Variants in DICER1 observed in about 807,000 individuals in gnomAD.
DICER1 encodes endoribonuclease Dicer.
In DICER1, 43 loss-of-function variants were observed where a neutral mutation model predicts 194.1. The ratio of observed to expected loss-of-function variants is 0.22; its 90% confidence interval spans 0.17 to 0.29. The LOEUF is 0.29. Ranked by LOEUF, DICER1 falls within the 10% of genes least tolerant of loss-of-function variation. DICER1 has a pLI of 1.00. For synonymous variants in DICER1, 832 were observed against 820.5 expected (o/e 1.01, Z -0.24); for missense variants, 1,608 against 2,317.0 (o/e 0.69, Z 6.28).
At chr14:95,104,876 T>TA (rs1449460041) in intron 20 of DICER1, among the ~76,000 whole-genome samples, 195 bp downstream of exon 20, 1 of 152,262 alleles carries the variant, frequency 6.6e-6, no homozygotes, top group Non-Finnish European at 1.5e-5. Context: ...CTCCAACTGT[T>TA]ATGGCTTAAG....
At position 95,133,373 on chromosome 14, in the gene DICER1, C is replaced by G. The variant is rs766491650; in HGVS notation, c.86G>C (p.Gly29Ala). 1.2e-6 allele frequency: 2 copies of G among 1,613,962 alleles called. No individual in the cohort carries two copies. Among genetic ancestry groups the G allele is most frequent in the Non-Finnish European group, 1.7e-6 (2 of 1,180,024 alleles). ...PASSPMGPFF[G>A]LPWQQEAIHD... Reference sequence around the variant, plus strand: ...AATTGCTTCTTGTTGCCATGGCAGTCCAAAGAAAGGACCCATTGGTGAGGA... The same window carrying G: ...AATTGCTTCTTGTTGCCATGGCAGTGCAAAGAAAGGACCCATTGGTGAGGA... Residue 29 changes from glycine (G) to alanine (A), a missense_variant, in exon 2 of 27, where the codon GGA becomes GCA. Gly to Ala is a moderately conservative substitution (Grantham distance 60). Around this residue, in one of 10 missense-constraint regions of DICER1, gnomAD observed 657 missense variants for 910.1 expected, o/e 0.72. Coordinates refer to ENST00000343455, the MANE Select transcript of DICER1 (RefSeq NM_177438.3).
In DICER1 at chr14:95,087,482, A is replaced by T. The variant is rs774193499; in HGVS notation, c.*3016T>A. Reference sequence around the variant, plus strand: ...TGCGAGTATATGACACATTGCAGGCATTATAATTATCTTTTTCAAATTCCA... The same window carrying T: ...TGCGAGTATATGACACATTGCAGGCTTTATAATTATCTTTTTCAAATTCCA... On this transcript the variant is annotated 3_prime_UTR_variant, in exon 27 of 27. Transcript: ENST00000343455. The T allele has an allele frequency of 5.6e-5, 13 of 233,128 alleles. No individual in the cohort carries two copies. Among genetic ancestry groups the T allele is most frequent in the Non-Finnish European group, 9.3e-5 (11 of 118,012 alleles). The allele number at this position is 233,128 out of a possible 1,614,324, so 14.4% of individuals were successfully genotyped here.
At chr14:95,137,043 AG>A (rs1175689933) in intron 1 of DICER1, among the ~76,000 whole-genome samples, 6 of 152,164 alleles carry the variant, frequency 3.9e-5, no homozygotes, top group Admixed American at 2.6e-4. Context: ...AAAAGAGGAA[AG>A]CAAAGAACAG....
intron 8 of DICER1, among the ~76,000 whole-genome samples, chr14:95,119,844 T>C (rs997057049): frequency 6.6e-6 from 1 of 152,238 alleles, no homozygotes; most frequent in African/African-American, 2.4e-5. Flanking sequence ...GATATAAAAT[T>C]ACTGTCAAAC....
chr14:95,141,234 T>C (rs1350766503), intron 1 of DICER1: 2 of 152,110 alleles, frequency 1.3e-5, no homozygotes, highest in Admixed American at 1.3e-4. Flanking sequence ...TTTCCCAAAA[T>C]GAAATTAAAA....
chr14:95,110,970 C>T (rs1891902158), intron 14 of DICER1, among the ~76,000 whole-genome samples: 1 of 152,026 alleles, frequency 6.6e-6, no homozygotes, highest in Admixed American at 6.6e-5. Context: ...CTGTCTTAGC[C>T]CCAAATCATA....
chr14:95,116,729 T>A (rs2140127912), intron 9 of DICER1, 34 bp from the exon 10 acceptor site: 2 of 1,609,790 alleles, frequency 1.2e-6, no homozygotes, highest in Non-Finnish European at 1.7e-6. Flanking sequence ...AAAGCACTTC[T>A]AAGAAAATTT....
At chr14:95,098,881 G>A (rs1595349459) in intron 22 of DICER1, among the ~76,000 whole-genome samples, 1 of 152,044 alleles carries the variant, frequency 6.6e-6, no homozygotes, top group Non-Finnish European at 1.5e-5. Flanking sequence ...AATCCAAATA[G>A]TGTCACTGAA....
chr14:95,112,056 T>A (rs1257548115), intron 13 of DICER1, 116 bp downstream of exon 13: 3 of 860,700 alleles, frequency 3.5e-6, no homozygotes, highest in Non-Finnish European at 2.0e-6. Flanking sequence ...CACATTAAGA[T>A]CAGCAAGTGA....
intron 17 of DICER1, 132 bp from the exon 18 acceptor site, chr14:95,106,355 C>G: frequency 4.2e-6 from 3 of 721,144 alleles, no homozygotes; most frequent in South Asian, 1.6e-5. Context: ...CAATAAACAT[C>G]TGTATTCCAA....
rs1035051882 is a variant in DICER1 at position 95,096,840 on chromosome 14, T to C, written c.4207-127A>G. 4 of 1,053,296 alleles carry C rather than the reference T, an allele frequency of 3.8e-6. No homozygotes were observed. In the Admixed American group the frequency reaches 9.4e-5, roughly 25 times the overall value. 65.2% of individuals were successfully genotyped at this position (1,053,296 alleles called of 1,614,324 possible). Reference sequence around the variant, plus strand: ...AACCACAAATACTAAAAGGCAACTTTAAAATCATGGCCATTTGTTTTCAAT... The same window carrying C: ...AACCACAAATACTAAAAGGCAACTTCAAAATCATGGCCATTTGTTTTCAAT... On this transcript the variant is annotated intron_variant, in intron 22 of 26. Coordinates refer to ENST00000343455, the MANE Select transcript of DICER1 (RefSeq NM_177438.3).
chr14:95,122,140 C>A (rs1259897409), intron 8 of DICER1, among the ~76,000 whole-genome samples: 1 of 152,140 alleles, frequency 6.6e-6, no homozygotes, highest in African/African-American at 2.4e-5. Flanking sequence ...GCACTAAATT[C>A]CAGTCACATT....
At chr14:95,156,539 G>C (rs78294544) in intron 1 of DICER1, among the ~76,000 whole-genome samples, 10 of 152,190 alleles carry the variant, frequency 6.6e-5, no homozygotes, top group African/African-American at 2.4e-4. Context: ...AGCTTTTCTG[G>C]ACAATCTACA....
intron 24 of DICER1, among the ~76,000 whole-genome samples, chr14:95,091,771 T>C (rs1889864297): frequency 6.6e-6 from 1 of 152,178 alleles, no homozygotes; most frequent in Admixed American, 6.5e-5. Context: ...TAGTACTAAT[T>C]GGTCTGGTGC....
intron 1 of DICER1, among the ~76,000 whole-genome samples, chr14:95,139,474 T>A (rs1212657867): frequency 6.6e-6 from 1 of 152,240 alleles, no homozygotes; most frequent in South Asian, 2.1e-4. Flanking sequence ...TTGCCTTTCA[T>A]AATTTCTATC....
chr14:95,092,323 T>A, intron 24 of DICER1, among the ~76,000 whole-genome samples: 1 of 152,242 alleles, frequency 6.6e-6, no homozygotes, highest in East Asian at 1.9e-4. Flanking sequence ...ATATTGGTTA[T>A]TTCCGAGGTA....
intron 24 of DICER1, among the ~76,000 whole-genome samples, chr14:95,091,750 C>T (rs1273803304): frequency 2.6e-5 from 4 of 152,164 alleles, no homozygotes; most frequent in Admixed American, 2.6e-4. Flanking sequence ...AGCTGCTTGG[C>T]AAGCATTCAA....
rs1889490346 is a variant in DICER1, at chr14:95,088,147, G to C, written c.*2351C>G. On this transcript the variant is annotated 3_prime_UTR_variant, in exon 27 of 27. Transcript: ENST00000343455. ...TTCTCCAACAAAAAGTGAAACGGCTGAAGTTTGCTGTTGATAAAACATTTG... is the reference window on the plus strand; with the variant it reads ...TTCTCCAACAAAAAGTGAAACGGCTCAAGTTTGCTGTTGATAAAACATTTG... The C allele has an allele frequency of 4.3e-6, 1 of 232,942 alleles. No homozygotes were observed. 14.4% of individuals were successfully genotyped at this position (232,942 alleles called of 1,614,324 possible).
intron 22 of DICER1, among the ~76,000 whole-genome samples, chr14:95,097,226 T>A (rs867072374): frequency 6.6e-6 from 1 of 152,172 alleles, no homozygotes. Flanking sequence ...ACAGATAAAA[T>A]CATTTTTTAA....
Sources: gnomAD v4.1 joint callset for allele counts (sites outside exome capture counted in the v4.1 genomes callset) on GRCh38, gnomAD v4.1.1 for gene constraint, gnomAD v4.1.1 regional missense constraint, MANE v1.5 for transcripts, NCBI Gene and HGNC (gene_info 2026-07-23, HGNC 2026-07-21) for gene names.